The following CEP85L variants were observed in gnomAD, a reference collection of about 807,000 sequenced individuals.
CEP85L encodes centrosomal protein of 85 kDa-like.
A neutral mutation model predicts 100.3 loss-of-function variants in CEP85L; 60 were observed. That is an observed-to-expected ratio of 0.60 (90% CI 0.49 to 0.74). CEP85L has a LOEUF of 0.74. Ranked by LOEUF, CEP85L falls within the 30% of genes least tolerant of loss-of-function variation. The pLI is 0.00. For synonymous variants in CEP85L, 319 were observed against 322.7 expected, an observed-to-expected ratio of 0.99 and a Z score of 0.12; for missense variants, 973 against 936.2, an observed-to-expected ratio of 1.04 and a Z score of -0.51.
At chr6:118,564,927 T>A (rs1215444662) in intron 3 of CEP85L, 2 of 152,292 alleles carry the variant, frequency 1.3e-5, no homozygotes, top group Non-Finnish European at 2.9e-5. Context: ...ATACTATTTT[T>A]CTTTATATAT....
At chr6:118,492,701 T>C (rs1180908008) in intron 5 of CEP85L, among the ~76,000 whole-genome samples, 1 of 152,180 alleles carries the variant, frequency 6.6e-6, no homozygotes, top group Non-Finnish European at 1.5e-5. Flanking sequence ...ACAAAGCACA[T>C]ACGTTAGGCA....
chr6:118,519,584 CG>C (rs56347032), intron 4 of CEP85L, among the ~76,000 whole-genome samples: 66 of 2,724 alleles, frequency 0.024, 9 homozygotes, highest in Non-Finnish European at 0.03. Context: ...GTGTGTGTGG[CG>C]GGGGGGGGGT....
chr6:118,521,830 A>G (rs1776686117), intron 4 of CEP85L, among the ~76,000 whole-genome samples: 1 of 152,194 alleles, frequency 6.6e-6, no homozygotes, highest in Non-Finnish European at 1.5e-5. Context: ...AGCCTAGCTA[A>G]AGAATTAGCC....
At chr6:118,472,530 T>C (rs151048229) in intron 10 of CEP85L, among the ~76,000 whole-genome samples, 440 of 152,288 alleles carry the variant, frequency 2.9e-3, no homozygotes, top group Non-Finnish European at 5.1e-3. Context: ...CTATCCTAAA[T>C]TGTATTAAGA....
At chr6:118,558,650 CACACACACACAGAGAG>C (rs1253152349) in intron 3 of CEP85L, among the ~76,000 whole-genome samples, 2 of 136,654 alleles carry the variant, frequency 1.5e-5, no homozygotes, top group Non-Finnish European at 3.0e-5. Context: ...CACACACACA[CACACACACACAGAGAG>C]AGAGAGAGAG....
Position 118,462,715 on chromosome 6 carries a change from G to A in CEP85L, c.*2690C>T, listed in dbSNP as rs965110961. ...CATCCTAGTTCAAACTGGGTGAGAT[G>A]CTCTAGTGTTGCTATTTGCCCATCT... On this transcript the variant is annotated 3_prime_UTR_variant, in exon 13 of 13. Transcript: ENST00000368491. 5 of 151,936 alleles carry A rather than the reference G, an allele frequency of 3.3e-5. No homozygotes were observed. The highest frequency in any genetic ancestry group is 1.2e-4 in the African/African-American group (5 of 41,420). The allele number at this position is 151,936 out of a possible 1,614,324, so 9.4% of individuals were successfully genotyped here. A position where few individuals can be genotyped will look rare whatever the true frequency, so the allele number is the denominator to read the frequency against.
chr6:118,514,962 G>A (rs1440426581), intron 4 of CEP85L, among the ~76,000 whole-genome samples: 2 of 151,504 alleles, frequency 1.3e-5, no homozygotes, highest in African/African-American at 4.8e-5. Flanking sequence ...GATCCACTGT[G>A]CCCGGCTAAG....
rs896624699 is a variant in CEP85L, at chr6:118,461,481, C to T, written c.*3924G>A. 2 of 151,874 alleles carry T rather than the reference C, an allele frequency of 1.3e-5. No individual in the cohort carries two copies. The highest frequency in any genetic ancestry group is 4.8e-5 in the African/African-American group (2 of 41,366). The allele number at this position is 151,874 out of a possible 1,614,324, so 9.4% of individuals were successfully genotyped here. A position where few individuals can be genotyped will look rare whatever the true frequency, so the allele number is the denominator to read the frequency against. ...GCAATAATCATCAACATTCTTAGAA[C>T]TCATGTAAAATAGAAATAAATGCTT... On this transcript the variant is annotated 3_prime_UTR_variant, in exon 13 of 13. Transcript: ENST00000368491.
intron 1 of CEP85L, among the ~76,000 whole-genome samples, chr6:118,681,949 A>T (rs1411663238): frequency 6.6e-6 from 1 of 152,070 alleles, no homozygotes; most frequent in Non-Finnish European, 1.5e-5. Flanking sequence ...CCATGTTGCC[A>T]GGCTGGTCTC....
intron 5 of CEP85L, among the ~76,000 whole-genome samples, chr6:118,503,890 G>C (rs12195858): frequency 0.1 from 15,078 of 147,006 alleles, 924 homozygotes; most frequent in African/African-American, 0.16. Flanking sequence ...TGACTTTTTA[G>C]ATATAACATC....
chr6:118,698,089 T>C (rs1440387711), intron 1 of CEP85L, among the ~76,000 whole-genome samples: 1 of 152,180 alleles, frequency 6.6e-6, no homozygotes, highest in Non-Finnish European at 1.5e-5. Context: ...TGGGCCCTAC[T>C]CAAAGCTGTT....
intron 10 of CEP85L, among the ~76,000 whole-genome samples, chr6:118,475,033 T>G (rs1227087660): frequency 6.6e-6 from 1 of 152,238 alleles, no homozygotes; most frequent in Non-Finnish European, 1.5e-5. Flanking sequence ...CAGGGCATTG[T>G]TGAAAACAAC....
At chr6:118,587,970 C>T in intron 2 of CEP85L, among the ~76,000 whole-genome samples, 1 of 152,222 alleles carries the variant, frequency 6.6e-6, no homozygotes, top group Non-Finnish European at 1.5e-5. Context: ...AACAGGGCTA[C>T]ATTTTCTTTG....
chr6:118,644,902 T>C (rs868093028), intron 1 of CEP85L, among the ~76,000 whole-genome samples: 28 of 152,200 alleles, frequency 1.8e-4, no homozygotes, highest in African/African-American at 6.8e-4. Context: ...CCAAGACTGA[T>C]TGTAAACACC....
intron 2 of CEP85L, among the ~76,000 whole-genome samples, chr6:118,630,231 C>T (rs1371598608): frequency 1.3e-5 from 2 of 152,144 alleles, no homozygotes; most frequent in African/African-American, 2.4e-5. Flanking sequence ...CTTCTGTAAC[C>T]TGTTGAATAT....
chr6:118,466,124 A>T (rs529613624), intron 12 of CEP85L, among the ~76,000 whole-genome samples: 36 of 152,260 alleles, frequency 2.4e-4, no homozygotes, highest in Admixed American at 6.5e-4. Flanking sequence ...AAACAATTTA[A>T]TCAGGCTGAT....
chr6:118,653,429 T>C (rs1046522522), upstream of CEP85L, among the ~76,000 whole-genome samples: 1 of 152,090 alleles, frequency 6.6e-6, no homozygotes, highest in Admixed American at 6.6e-5. Flanking sequence ...TTTCTTTTAA[T>C]CATATGAATT....
chr6:118,554,011 CTTA>C (rs1487026684), intron 3 of CEP85L, among the ~76,000 whole-genome samples: 1 of 152,088 alleles, frequency 6.6e-6, no homozygotes, highest in African/African-American at 2.4e-5. Context: ...AATTGTTTAA[CTTA>C]TTATTAAAAA....
intron 2 of CEP85L, among the ~76,000 whole-genome samples, chr6:118,586,636 C>G (rs1780878693): frequency 6.6e-6 from 1 of 152,146 alleles, no homozygotes; most frequent in Admixed American, 6.5e-5. Flanking sequence ...GAGGAACGTC[C>G]TGAATAGCAA....
Sources: gnomAD v4.1 joint callset for allele counts (sites outside exome capture counted in the v4.1 genomes callset) on GRCh38, gnomAD v4.1.1 for gene constraint, MANE v1.5 for transcripts, NCBI Gene and HGNC (gene_info 2026-07-23, HGNC 2026-07-21) for gene names.